The following HNF4A variants were observed in gnomAD, a reference collection of about 807,000 sequenced individuals.
The protein encoded by HNF4A is hepatocyte nuclear factor 4 alpha.
HNF4A carries 15 observed loss-of-function variants against 52.4 expected under a neutral mutation model. That is an observed-to-expected ratio of 0.29 (90% CI 0.19 to 0.44). The LOEUF is 0.44. HNF4A is among the 20% of genes least tolerant of loss of function. HNF4A has a pLI of 1.00. For missense variants in HNF4A, 479 were observed against 647.2 expected, an observed-to-expected ratio of 0.74 and a Z score of 2.82; for synonymous variants, 280 against 264.4, an observed-to-expected ratio of 1.06 and a Z score of -0.57.
At chr20:44,380,235 T>C (rs532409202) in intron 1 of HNF4A, among the ~76,000 whole-genome samples, 1 of 152,334 alleles carries the variant, frequency 6.6e-6, no homozygotes, top group African/African-American at 2.4e-5. Context: ...AAGTATCTTT[T>C]TATGTGCTTA....
intron 1 of HNF4A, among the ~76,000 whole-genome samples, chr20:44,382,550 A>G (rs553270703): frequency 6.6e-6 from 1 of 152,190 alleles, no homozygotes; most frequent in African/African-American, 2.4e-5. Flanking sequence ...CCTAAGGGGC[A>G]TAGCTTTCTC....
chr20:44,374,528 A>G (rs949046057), intron 1 of HNF4A, among the ~76,000 whole-genome samples: 1 of 152,070 alleles, frequency 6.6e-6, no homozygotes, highest in Non-Finnish European at 1.5e-5. Flanking sequence ...CAGTGGCGCA[A>G]TCTCAGCTCA....
At chr20:44,379,853 C>A (rs916596456) in intron 1 of HNF4A, among the ~76,000 whole-genome samples, 1 of 151,822 alleles carries the variant, frequency 6.6e-6, no homozygotes, top group African/African-American at 2.4e-5. Context: ...CCTACCTCAG[C>A]CTCCTGAGTA....
At position 44,418,418 on chromosome 20, in the gene HNF4A, C is replaced by T. The variant is rs1460640023; in HGVS notation, c.649-7C>T. The T allele has an allele frequency of 6.2e-7, 1 of 1,613,152 alleles. No homozygotes were observed. Among genetic ancestry groups the T allele is most frequent in the Non-Finnish European group, 8.5e-7 (1 of 1,179,114 alleles). ...AGATGGCAAACACTGTTCCTTCTCT[C>T]TTTCAGGTGGCCCTGCTCAGAGCCC... On this transcript the variant is annotated splice_polypyrimidine_tract_variant and splice_region_variant and intron_variant, in intron 5 of 9. Transcript: ENST00000316099.
intron 1 of HNF4A, among the ~76,000 whole-genome samples, chr20:44,376,104 C>T (rs1297235751): frequency 2.6e-5 from 4 of 151,456 alleles, no homozygotes; most frequent in African/African-American, 9.7e-5. Flanking sequence ...AAAAATTAGC[C>T]GGGCATGGTA....
chr20:44,412,423 A>G (rs188629980), intron 3 of HNF4A, among the ~76,000 whole-genome samples: 61 of 152,168 alleles, frequency 4.0e-4, no homozygotes, highest in African/African-American at 1.4e-3. Context: ...AGGAAAGGGA[A>G]CCCCAGGCAG....
chr20:44,408,726 A>ATCTC (rs2063539009), intron 3 of HNF4A, among the ~76,000 whole-genome samples: 3 of 151,500 alleles, frequency 2.0e-5, no homozygotes, highest in Non-Finnish European at 4.4e-5. Context: ...GACTCTCTCA[A>ATCTC]AAAAAATAAA....
At chr20:44,368,160 A>ATATATT (rs1200638153) in intron 1 of HNF4A, among the ~76,000 whole-genome samples, 28 of 27,772 alleles carry the variant, frequency 1.0e-3, no homozygotes, top group Non-Finnish European at 1.1e-3. Flanking sequence ...ATATATATAT[A>ATATATT]TTTTTTTTTT....
intron 1 of HNF4A, among the ~76,000 whole-genome samples, chr20:44,359,388 G>A (rs536842015): frequency 1.3e-5 from 2 of 151,944 alleles, no homozygotes; most frequent in Admixed American, 6.5e-5. Flanking sequence ...TTTCCTCAGT[G>A]CCCTTGTTTC....
chr20:44,429,471 C>T (rs1350218511), intron 9 of HNF4A, 52 bp from the exon 10 acceptor site: 7 of 1,612,976 alleles, frequency 4.3e-6, no homozygotes, highest in Non-Finnish European at 5.9e-6. Flanking sequence ...TCATTTACTC[C>T]CACAAAGGCT....
chr20:44,425,394 A>G (rs1304945700), intron 8 of HNF4A, among the ~76,000 whole-genome samples: 2 of 152,250 alleles, frequency 1.3e-5, no homozygotes, highest in Non-Finnish European at 2.9e-5. Flanking sequence ...GGACCCTGGC[A>G]ATGGAGCAGT....
chr20:44,424,749 C>T (rs548955785), intron 8 of HNF4A: 1 of 397,448 alleles, frequency 2.5e-6, no homozygotes, highest in East Asian at 7.6e-5. Context: ...AAATGGAAGG[C>T]TTAAAAGACA....
intron 1 of HNF4A, among the ~76,000 whole-genome samples, chr20:44,385,684 G>T (rs2063214370): frequency 1.3e-5 from 2 of 152,016 alleles, no homozygotes; most frequent in Non-Finnish European, 2.9e-5. Flanking sequence ...GGCCAGGCTG[G>T]TCTTGAATTC....
At chr20:44,414,468 C>A in intron 4 of HNF4A, 39 bp from the exon 5 acceptor site, 2 of 1,613,948 alleles carry the variant, frequency 1.2e-6, no homozygotes, top group Non-Finnish European at 1.7e-6. Context: ...CGGGAGGGCC[C>A]GGACATCTCC....
chr20:44,376,312 CTTGTCATTGTGCAAATTG>C (rs993768428), intron 1 of HNF4A, among the ~76,000 whole-genome samples: 21 of 152,166 alleles, frequency 1.4e-4, no homozygotes, highest in East Asian at 5.8e-4. Flanking sequence ...TCCACGGTTG[CTTGTCATTGTGCAAATTG>C]TTGTCATTGT....
downstream of HNF4A, chr20:44,434,224 G>A (rs2063903798): frequency 6.6e-6 from 1 of 152,208 alleles, no homozygotes; most frequent in South Asian, 2.1e-4. Flanking sequence ...TCTGTAAAGT[G>A]GGAATGATAT....
chr20:44,404,879 G>GTGTGT (rs2063468896), intron 1 of HNF4A, among the ~76,000 whole-genome samples: 1 of 11,798 alleles, frequency 8.5e-5, no homozygotes, highest in East Asian at 2.6e-3. Flanking sequence ...GTGTGTGACT[G>GTGTGT]CTTGGTGTGT....
intron 1 of HNF4A, among the ~76,000 whole-genome samples, chr20:44,358,123 C>A (rs1384358449): frequency 1.4e-5 from 2 of 145,824 alleles, no homozygotes; most frequent in Admixed American, 7.1e-5. Flanking sequence ...CCTAGATCTA[C>A]CTTATTTAAA....
downstream of HNF4A, chr20:44,434,150 G>A (rs1180174352): frequency 6.6e-6 from 1 of 152,212 alleles, no homozygotes; most frequent in African/African-American, 2.4e-5. Flanking sequence ...GTTCTGGTCT[G>A]GGAAGCACAC....
Sources: gnomAD v4.1 joint callset for allele counts (sites outside exome capture counted in the v4.1 genomes callset) on GRCh38, gnomAD v4.1.1 for gene constraint, MANE v1.5 for transcripts, NCBI Gene and HGNC (gene_info 2026-07-23, HGNC 2026-07-21) for gene names.